RBFOX2: variants seen among roughly 807,000 people sequenced by gnomAD.
RBFOX2 encodes RNA binding protein fox-1 homolog 2.
Under a neutral mutation model 49.1 loss-of-function variants are expected in RBFOX2, and 10 were observed. That is an observed-to-expected ratio of 0.20 (90% CI 0.13 to 0.35). RBFOX2 has a LOEUF of 0.35. Ranked by LOEUF, RBFOX2 falls within the 10% of genes least tolerant of loss-of-function variation. The pLI is 1.00. For missense variants in RBFOX2, 323 were observed against 486.9 expected (o/e 0.66, Z 3.17); for synonymous variants, 183 against 187.4 (o/e 0.98, Z 0.19).
intron 1 of RBFOX2, among the ~76,000 whole-genome samples, chr22:35,817,971 C>T (rs932392971): frequency 6.6e-5 from 10 of 151,670 alleles, no homozygotes; most frequent in Admixed American, 3.3e-4. Flanking sequence ...CACACACACA[C>T]ACACACACAC....
chr22:35,818,365 A>T (rs551506190), intron 1 of RBFOX2, among the ~76,000 whole-genome samples: 1 of 152,344 alleles, frequency 6.6e-6, no homozygotes, highest in East Asian at 1.9e-4. Flanking sequence ...ATTCCAATGG[A>T]TTTACACAAT....
intron 4 of RBFOX2, among the ~76,000 whole-genome samples, chr22:35,770,449 TTTC>T (rs1318019291): frequency 1.4e-4 from 21 of 152,276 alleles, no homozygotes; most frequent in African/African-American, 4.6e-4. Flanking sequence ...CATACTAGTT[TTTC>T]TTCTTAAATA....
chr22:35,893,975 C>T (rs971255085), intron 1 of RBFOX2, among the ~76,000 whole-genome samples: 2 of 152,150 alleles, frequency 1.3e-5, no homozygotes, highest in Admixed American at 1.3e-4. Flanking sequence ...ATCTTTGCAA[C>T]GGACTGTAAG....
chr22:35,942,493 C>T (rs2053799729), upstream of RBFOX2, among the ~76,000 whole-genome samples: 1 of 151,992 alleles, frequency 6.6e-6, no homozygotes, highest in Non-Finnish European at 1.5e-5. Flanking sequence ...CCTCAGTTTC[C>T]ATTAATAATA....
chr22:35,744,956 T>C (rs1304634478), intron 11 of RBFOX2, among the ~76,000 whole-genome samples: 1 of 152,254 alleles, frequency 6.6e-6, no homozygotes, highest in Non-Finnish European at 1.5e-5. Flanking sequence ...ATAGGACTTA[T>C]ATCATTTTAG....
At chr22:35,945,440 A>T (rs893361676) in intron 1 of RBFOX2, among the ~76,000 whole-genome samples, 2 of 152,022 alleles carry the variant, frequency 1.3e-5, no homozygotes, top group African/African-American at 4.8e-5. Context: ...TTGAGAAAAA[A>T]ATATATACCT....
rs141228308 is a variant in RBFOX2, at chr22:36,025,145, A to G, written c.186+3095T>C. ...GTGTGTATTTACATAGGGCCTATAG[A>G]TATTTCTAAACCACTGATACCATCT... is the stretch of plus-strand genomic sequence containing the variant. On this transcript the variant is annotated intron_variant, in intron 1 of 13. Transcript: ENST00000438146. Among the ~76,000 whole-genome samples, 14 of 152,252 alleles carry G rather than the reference A, an allele frequency of 9.2e-5. No individual in the cohort carries two copies. The East Asian group carries it at 2.5e-3, about 27-fold the overall frequency.
At chr22:35,978,236 A>C (rs1463015203) in intron 1 of RBFOX2, among the ~76,000 whole-genome samples, 1 of 152,232 alleles carries the variant, frequency 6.6e-6, no homozygotes, top group East Asian at 1.9e-4. Flanking sequence ...GTGTGAATTC[A>C]TGATTTTATA....
chr22:35,764,028 A>C lies in RBFOX2; in HGVS notation c.607+1395T>G, dbSNP rs934467004. Among the ~76,000 whole-genome samples, 3 of 152,188 alleles carry C rather than the reference A, an allele frequency of 2.0e-5. No individual in the cohort carries two copies. The South Asian group carries it at 6.2e-4, about 32-fold the overall frequency. ...TCTATTTTGTTTACTTTGAGTTTTT[A>C]TCAAAATTGTAGAGACTTGTTTTTG... is the stretch of plus-strand genomic sequence containing the variant. On this transcript the variant is annotated intron_variant, in intron 6 of 11. Coordinates refer to ENST00000405409, the Ensembl canonical transcript of RBFOX2.
intron 2 of RBFOX2, among the ~76,000 whole-genome samples, chr22:35,804,720 G>A (rs1406000839): frequency 6.6e-6 from 1 of 151,926 alleles, no homozygotes; most frequent in African/African-American, 2.4e-5. Flanking sequence ...AACAAAAACA[G>A]TATTTGTTTC....
chr22:35,816,096 AAC>A (rs1952972159), intron 1 of RBFOX2, among the ~76,000 whole-genome samples: 1 of 152,206 alleles, frequency 6.6e-6, no homozygotes, highest in South Asian at 2.1e-4. Flanking sequence ...TCTGTAGAAG[AAC>A]AGACCAGGAA....
At chr22:35,871,314 A>G (rs2149192234) in intron 1 of RBFOX2, among the ~76,000 whole-genome samples, 1 of 152,320 alleles carries the variant, frequency 6.6e-6, no homozygotes. Flanking sequence ...GAGAGAAGGG[A>G]ATAGAGGAAA....
chr22:35,907,636 C>G (rs1432891197), intron 1 of RBFOX2, among the ~76,000 whole-genome samples: 1 of 151,998 alleles, frequency 6.6e-6, no homozygotes, highest in Non-Finnish European at 1.5e-5. Context: ...TTTACTTTAA[C>G]TTACAAATCA....
At chr22:35,982,771 C>T (rs912092349) in intron 1 of RBFOX2, among the ~76,000 whole-genome samples, 29 of 151,700 alleles carry the variant, frequency 1.9e-4, no homozygotes, top group African/African-American at 6.5e-4. Flanking sequence ...GCTGTTTTAA[C>T]TCTAACAAGC....
chr22:35,970,849 T>C (rs1211565307), intron 1 of RBFOX2, among the ~76,000 whole-genome samples: 1 of 152,116 alleles, frequency 6.6e-6, no homozygotes, highest in Non-Finnish European at 1.5e-5. Flanking sequence ...CTGAGTGGAT[T>C]AGAATAAAAT....
In RBFOX2 at chr22:35,769,799, A is replaced by T. The variant is rs553368248; in HGVS notation, c.454-1450T>A. On this transcript the variant is annotated intron_variant, in intron 4 of 11. Coordinates refer to ENST00000405409, the Ensembl canonical transcript of RBFOX2. ...GCGTTGCTTAATAAAATTTTATAAA[A>T]GCAACTCCATTGTTTTGAAGGATCT... is the stretch of plus-strand genomic sequence containing the variant. 8.5e-5 allele frequency among the ~76,000 whole-genome samples: 13 copies of T among 152,278 alleles called. No homozygotes were observed. The South Asian group carries it at 2.5e-3, about 29-fold the overall frequency.
At chr22:35,873,168 T>C (rs1378606162) in intron 1 of RBFOX2, among the ~76,000 whole-genome samples, 1 of 152,162 alleles carries the variant, frequency 6.6e-6, no homozygotes, top group African/African-American at 2.4e-5. Flanking sequence ...TGAGACACAG[T>C]CTTGCTGTCA....
intron 1 of RBFOX2, among the ~76,000 whole-genome samples, chr22:35,899,185 A>AAAAAT (rs1046658584): frequency 5.3e-5 from 8 of 151,740 alleles, no homozygotes; most frequent in Non-Finnish European, 8.8e-5. Flanking sequence ...AACAAACATA[A>AAAAAT]AAAATAAAAT....
At chr22:36,002,830 G>T (rs943051496) in intron 1 of RBFOX2, among the ~76,000 whole-genome samples, 1 of 152,190 alleles carries the variant, frequency 6.6e-6, no homozygotes. Flanking sequence ...TTCGCCATGT[G>T]GGCCAGGCTG....
Sources: allele counts gnomAD v4.1 joint callset (sites outside exome capture counted in the v4.1 genomes callset), GRCh38; gene constraint gnomAD v4.1.1; transcripts MANE v1.5; gene names NCBI Gene and HGNC (gene_info 2026-07-23, HGNC 2026-07-21).